Variants in SPOCK3 observed in about 807,000 individuals in gnomAD.
SPOCK3 encodes the protein testican-3.
In SPOCK3, 30 loss-of-function variants were observed where a neutral mutation model predicts 56.6. The observed-to-expected ratio is 0.53, with a 90% CI of 0.40 to 0.72. SPOCK3 has a LOEUF of 0.72. Ranked by LOEUF, SPOCK3 falls within the 30% of genes least tolerant of loss-of-function variation. The probability of loss-of-function intolerance (pLI) is 0.00; values close to 1 mark genes in which losing one functional copy is unlikely to be tolerated. For missense variants in SPOCK3, 527 were observed against 530.0 expected (o/e 0.99, Z 0.06); for synonymous variants, 196 against 183.3 (o/e 1.07, Z -0.56).
intron 4 of SPOCK3, among the ~76,000 whole-genome samples, chr4:166,983,269 G>T (rs1326427736): frequency 6.6e-6 from 1 of 151,886 alleles, no homozygotes; most frequent in Non-Finnish European, 1.5e-5. Context: ...TCATAAAACT[G>T]AAACCTATTA....
chr4:167,185,500 T>C (rs1315795357), intron 2 of SPOCK3, among the ~76,000 whole-genome samples: 1 of 152,182 alleles, frequency 6.6e-6, no homozygotes, highest in Non-Finnish European at 1.5e-5. Context: ...CTTTCTTTTT[T>C]CTTTCTCCAC....
At chr4:166,916,765 T>C (rs149616059) in intron 4 of SPOCK3, among the ~76,000 whole-genome samples, 1 of 152,216 alleles carries the variant, frequency 6.6e-6, no homozygotes, top group Non-Finnish European at 1.5e-5. Flanking sequence ...ATTTCTTCAC[T>C]TGTGCAATGA....
In SPOCK3 at chr4:166,756,029, C is replaced by T. The variant is rs932400658; in HGVS notation, c.710-1300G>A. ...CAGTGGGCGCAGGCCAGTGTGTGTGCGCACCGTGCGCGAGCCGAAGCAGGG... is the reference window on the plus strand; with the variant it reads ...CAGTGGGCGCAGGCCAGTGTGTGTGTGCACCGTGCGCGAGCCGAAGCAGGG... On this transcript the variant is annotated intron_variant, in intron 7 of 10. Transcript: ENST00000357545. Among the ~76,000 whole-genome samples, 12 of 34,806 alleles carry T rather than the reference C, an allele frequency of 3.4e-4. 4 individuals carry two copies. Among genetic ancestry groups the T allele is most frequent in the Non-Finnish European group, 5.7e-4 (9 of 15,778 alleles). 22.8% of individuals were successfully genotyped at this position (34,806 alleles called of 152,430 possible).
At chr4:167,141,807 A>G (rs1763556832) in intron 2 of SPOCK3, among the ~76,000 whole-genome samples, 1 of 152,068 alleles carries the variant, frequency 6.6e-6, no homozygotes, top group African/African-American at 2.4e-5. Flanking sequence ...AATAATCATA[A>G]TTGAAGTATA....
At chr4:167,066,848 G>A (rs1326120987) in intron 2 of SPOCK3, among the ~76,000 whole-genome samples, 1 of 151,910 alleles carries the variant, frequency 6.6e-6, no homozygotes. Context: ...ACCACACCCA[G>A]TATGGAGAAG....
intron 6 of SPOCK3, among the ~76,000 whole-genome samples, chr4:166,814,011 C>T (rs545414879): frequency 3.3e-5 from 5 of 151,952 alleles, no homozygotes; most frequent in Non-Finnish European, 7.4e-5. Context: ...ATTACTGATG[C>T]CTTACAAAAA....
chr4:166,992,089 G>A (rs924982715), intron 4 of SPOCK3, among the ~76,000 whole-genome samples: 2 of 152,112 alleles, frequency 1.3e-5, no homozygotes, highest in Non-Finnish European at 2.9e-5. Flanking sequence ...AATTGCAAAT[G>A]TTCAAAACAT....
chr4:166,834,944 A>C (rs981012810), intron 6 of SPOCK3, among the ~76,000 whole-genome samples: 10 of 152,112 alleles, frequency 6.6e-5, no homozygotes, highest in African/African-American at 2.2e-4. Context: ...TTACTATCCC[A>C]ACACTTTCCT....
intron 3 of SPOCK3, among the ~76,000 whole-genome samples, chr4:167,035,367 C>T (rs115014514): frequency 0.013 from 1,934 of 150,876 alleles, 20 homozygotes; most frequent in Non-Finnish European, 0.019. Context: ...GAAAGTGGAA[C>T]AGGTTTAAAT....
At chr4:167,161,628 T>G (rs1348282444) in intron 2 of SPOCK3, among the ~76,000 whole-genome samples, 1 of 152,016 alleles carries the variant, frequency 6.6e-6, no homozygotes, top group African/African-American at 2.4e-5. Flanking sequence ...TAGCAAAGAC[T>G]TGGAACCAAC....
intron 4 of SPOCK3, among the ~76,000 whole-genome samples, chr4:166,984,851 TG>T (rs1746968564): frequency 6.6e-6 from 1 of 152,148 alleles, no homozygotes; most frequent in Admixed American, 6.5e-5. Context: ...AAAATTAATT[TG>T]TCCTCTGTAA....
At chr4:167,021,195 T>C (rs1751138048) in intron 3 of SPOCK3, among the ~76,000 whole-genome samples, 1 of 152,036 alleles carries the variant, frequency 6.6e-6, no homozygotes, top group Admixed American at 6.6e-5. Context: ...TCCAAAGATA[T>C]TTACTATTTA....
At chr4:166,952,176 A>T (rs990622190) in intron 4 of SPOCK3, among the ~76,000 whole-genome samples, 1 of 152,190 alleles carries the variant, frequency 6.6e-6, no homozygotes, top group Admixed American at 6.5e-5. Context: ...TTGTGTATCT[A>T]GAAATCCCCA....
chr4:166,978,784 AT>A (rs773344893), intron 4 of SPOCK3, among the ~76,000 whole-genome samples: 2 of 152,342 alleles, frequency 1.3e-5, no homozygotes, highest in Non-Finnish European at 2.9e-5. Flanking sequence ...ACACACACAT[AT>A]ACAAAGTGAA....
intron 2 of SPOCK3, among the ~76,000 whole-genome samples, chr4:167,089,824 T>C (rs561212461): frequency 2.2e-4 from 34 of 152,280 alleles, no homozygotes; most frequent in African/African-American, 7.7e-4. Flanking sequence ...TTGTGAAAAC[T>C]GATCTGTTTT....
intron 4 of SPOCK3, among the ~76,000 whole-genome samples, chr4:166,997,909 T>C (rs1180634654): frequency 6.6e-6 from 1 of 152,174 alleles, no homozygotes; most frequent in Non-Finnish European, 1.5e-5. Context: ...ATTTGTATTC[T>C]AAACTATGCA....
At chr4:167,098,910 T>C (rs1461867563) in intron 2 of SPOCK3, among the ~76,000 whole-genome samples, 4 of 151,982 alleles carry the variant, frequency 2.6e-5, no homozygotes, top group Non-Finnish European at 5.9e-5. Flanking sequence ...ATTTTATCTA[T>C]CACTTTCTGA....
intron 2 of SPOCK3, among the ~76,000 whole-genome samples, chr4:167,217,275 A>G (rs1412514644): frequency 6.6e-6 from 1 of 152,094 alleles, no homozygotes; most frequent in Admixed American, 6.6e-5. Context: ...TTTCACGTCC[A>G]TGCATTCAAC....
At chr4:166,834,953 C>T (rs1165189351) in intron 6 of SPOCK3, among the ~76,000 whole-genome samples, 1 of 151,866 alleles carries the variant, frequency 6.6e-6, no homozygotes, top group Non-Finnish European at 1.5e-5. Flanking sequence ...CAACACTTTC[C>T]TAGGTAAATT....
Sources: gnomAD v4.1 joint callset for allele counts (sites outside exome capture counted in the v4.1 genomes callset) on GRCh38, gnomAD v4.1.1 for gene constraint, MANE v1.5 for transcripts, NCBI Gene and HGNC (gene_info 2026-07-23, HGNC 2026-07-21) for gene names.